Variants in NOX4 observed in about 807,000 individuals in gnomAD.
NOX4 encodes kidney oxidase-1.
NOX4 carries 69 observed loss-of-function variants against 87.6 expected under a neutral mutation model. The ratio of observed to expected loss-of-function variants is 0.79; its 90% CI spans 0.65 to 0.96. NOX4 has a LOEUF of 0.96. Among genes scored for constraint, NOX4 ranks in the 40% least tolerant of loss-of-function variants. The probability of loss-of-function intolerance (pLI) is 0.00; values close to 1 mark genes in which losing one functional copy is unlikely to be tolerated. For missense variants in NOX4, 680 were observed against 681.5 expected (o/e 1.00, Z 0.02); for synonymous variants, 275 against 238.2 (o/e 1.15, Z -1.42).
chr11:89,488,350 T>C (rs757468447), intron 2 of NOX4, among the ~76,000 whole-genome samples: 10 of 151,914 alleles, frequency 6.6e-5, no homozygotes, highest in Non-Finnish European at 1.5e-4. Flanking sequence ...CTGTCTGTTA[T>C]TCAAGCAGAA....
At chr11:89,589,511 A>AC in the NOX4 span, 2 of 152,196 alleles carry the variant, frequency 1.3e-5, no homozygotes, top group Non-Finnish European at 2.9e-5. Flanking sequence ...CCATGTGGAG[A>AC]GACGATGTAA....
chr11:89,487,414 T>C (rs1946673047), intron 2 of NOX4, among the ~76,000 whole-genome samples: 1 of 143,544 alleles, frequency 7.0e-6, no homozygotes, highest in South Asian at 2.2e-4. Flanking sequence ...TTCCAATAAA[T>C]GGACCATATT....
the NOX4 span, among the ~76,000 whole-genome samples, chr11:89,523,244 G>A: frequency 6.6e-6 from 1 of 151,950 alleles, no homozygotes; most frequent in Non-Finnish European, 1.5e-5. Context: ...GGATGATCTT[G>A]ATCTCTTGAC....
Position 89,402,355 on chromosome 11 carries a change from C to G in NOX4, c.817G>C (p.Glu273Gln), listed in dbSNP as rs147156883. ...QHKFVKICME[E>Q]PRFQANFPQT... ...GGAAAATTAGCTTGGAATCTGGGCT[C>G]TTCCATACAAATCTTCACAAATTTG... The change falls in exon 9 of 18, where the codon GAG becomes CAG. Residue 273 changes from glutamate to glutamine, a missense_variant. Transcript: ENST00000263317. 5 of 1,613,054 alleles carry G rather than the reference C, an allele frequency of 3.1e-6. No homozygotes were observed. In the African/African-American group the frequency reaches 6.7e-5, roughly 22 times the overall value.
intron 13 of NOX4, among the ~76,000 whole-genome samples, chr11:89,354,020 T>C (rs1172212811): frequency 1.3e-5 from 2 of 152,310 alleles, no homozygotes. Flanking sequence ...ATTTTTGTGA[T>C]CATAATTAAG....
intron 2 of NOX4, among the ~76,000 whole-genome samples, chr11:89,460,551 G>T (rs529965335): frequency 1.3e-5 from 2 of 152,170 alleles, no homozygotes; most frequent in Non-Finnish European, 2.9e-5. Context: ...AAAGACACAT[G>T]AAAAAATGTT....
the NOX4 span, among the ~76,000 whole-genome samples, chr11:89,575,641 G>A: frequency 6.6e-6 from 1 of 152,018 alleles, no homozygotes; most frequent in African/African-American, 2.4e-5. Context: ...TACAGTAGGA[G>A]CTGCCCCTTT....
the NOX4 span, among the ~76,000 whole-genome samples, chr11:89,518,892 G>A: frequency 6.8e-6 from 1 of 147,854 alleles, no homozygotes; most frequent in Non-Finnish European, 1.5e-5. Flanking sequence ...AGATCTATCT[G>A]TGATTATGAT....
chr11:89,544,125 G>T, the NOX4 span, among the ~76,000 whole-genome samples: 1 of 152,132 alleles, frequency 6.6e-6, no homozygotes, highest in South Asian at 2.1e-4. Context: ...GCTCAGGCAT[G>T]GGCAATGATT....
At chr11:89,491,388 G>T, upstream of NOX4, 1 of 753,146 alleles carries the variant, frequency 1.3e-6, no homozygotes. Context: ...AAGCCCGAAG[G>T]CCCGGCGCCG....
intron 13 of NOX4, among the ~76,000 whole-genome samples, chr11:89,348,139 C>G (rs149013325): frequency 1.3e-5 from 2 of 152,260 alleles, no homozygotes; most frequent in African/African-American, 2.4e-5. Context: ...TGTCTCTGGT[C>G]AGGTGTGGTG....
chr11:89,365,078 G>A (rs1333280215), intron 12 of NOX4, among the ~76,000 whole-genome samples: 1 of 151,896 alleles, frequency 6.6e-6, no homozygotes, highest in East Asian at 1.9e-4. Flanking sequence ...TCTTGCCTAA[G>A]GATTACAGGA....
At chr11:89,383,813 C>T (rs1282212349) in intron 11 of NOX4, among the ~76,000 whole-genome samples, 1 of 152,108 alleles carries the variant, frequency 6.6e-6, no homozygotes, top group African/African-American at 2.4e-5. Context: ...CACTGCCACC[C>T]TTTTCTCCAG....
chr11:89,378,223 T>C (rs1359067878), intron 11 of NOX4, among the ~76,000 whole-genome samples: 1 of 152,156 alleles, frequency 6.6e-6, no homozygotes, highest in African/African-American at 2.4e-5. Context: ...ATGTTTCTCC[T>C]TTTTTTACTC....
At chr11:89,405,745 T>TAAA (rs199918408) in intron 8 of NOX4, among the ~76,000 whole-genome samples, 1 of 110,546 alleles carries the variant, frequency 9.0e-6, no homozygotes. Flanking sequence ...ACCTACTGGT[T>TAAA]AAAAAAGAAA....
intron 2 of NOX4, among the ~76,000 whole-genome samples, chr11:89,471,735 T>C (rs1945951687): frequency 6.6e-6 from 1 of 152,012 alleles, no homozygotes; most frequent in Admixed American, 6.6e-5. Flanking sequence ...TTTTTGTTTG[T>C]TTGTTTGTTT....
chr11:89,438,916 TAAA>T (rs1944320780), intron 6 of NOX4, among the ~76,000 whole-genome samples: 1 of 67,870 alleles, frequency 1.5e-5, no homozygotes, highest in African/African-American at 5.6e-5. Context: ...ATATATAATA[TAAA>T]ATATATATAA....
chr11:89,342,202 C>T lies in NOX4; in HGVS notation c.1218-9G>A. On this transcript the variant is annotated splice_polypyrimidine_tract_variant and intron_variant, in intron 13 of 17. Coordinates refer to ENST00000263317, the MANE Select transcript of NOX4 (RefSeq NM_016931.5). ...GACCATCAATATACAGCCTGTAGAGCAGTCAGAAAAAGGTGGGAAAAAAAT... is the reference window on the plus strand; with the variant it reads ...GACCATCAATATACAGCCTGTAGAGTAGTCAGAAAAAGGTGGGAAAAAAAT... 1.3e-6 allele frequency: 2 copies of T among 1,594,638 alleles called. No individual in the cohort carries two copies. The highest frequency in any genetic ancestry group is 8.5e-7 in the Non-Finnish European group (1 of 1,170,542).
At chr11:89,489,443 C>A (rs1278196643) in intron 2 of NOX4, among the ~76,000 whole-genome samples, 1 of 152,060 alleles carries the variant, frequency 6.6e-6, no homozygotes, top group Non-Finnish European at 1.5e-5. Context: ...AAAATGCAAT[C>A]TCAGCCGGGC....
Sources: gnomAD v4.1 joint callset for allele counts (sites outside exome capture counted in the v4.1 genomes callset) on GRCh38, gnomAD v4.1.1 for gene constraint, MANE v1.5 for transcripts, NCBI Gene and HGNC (gene_info 2026-07-23, HGNC 2026-07-21) for gene names.